The following CTNNB1 variants were observed in gnomAD, a reference collection of about 807,000 sequenced individuals.
The protein encoded by CTNNB1 is catenin beta 1, also known as catenin beta-1.
A neutral mutation model predicts 82.5 loss-of-function variants in CTNNB1; 6 were observed. The ratio of observed to expected loss-of-function variants is 0.07; its 90% CI spans 0.04 to 0.14. CTNNB1 has a LOEUF of 0.14. CTNNB1 is among the 10% of genes least tolerant of loss of function. The pLI is 1.00. For synonymous variants in CTNNB1, 312 were observed against 329.7 expected, an observed-to-expected ratio of 0.95 and a Z score of 0.58; for missense variants, 529 against 980.4, an observed-to-expected ratio of 0.54 and a Z score of 6.15.
At chr3:41,228,162 A>C (rs1355947054) in intron 7 of CTNNB1, among the ~76,000 whole-genome samples, 1 of 152,166 alleles carries the variant, frequency 6.6e-6, no homozygotes, top group Admixed American at 6.5e-5. Context: ...TGCTATTGTG[A>C]ATAATGCTGC....
intron 1 of CTNNB1, chr3:41,221,707 G>A (rs1385655041): frequency 1.3e-5 from 2 of 152,130 alleles, no homozygotes; most frequent in African/African-American, 2.4e-5. Context: ...AGCATATGTA[G>A]TCCATCTTGA....
intron 1 of CTNNB1, among the ~76,000 whole-genome samples, chr3:41,210,269 A>G (rs889609484): frequency 1.3e-5 from 2 of 152,112 alleles, no homozygotes; most frequent in African/African-American, 2.4e-5. Context: ...CCTGGCTAAC[A>G]TGGTGAAACC....
intron 1 of CTNNB1, among the ~76,000 whole-genome samples, chr3:41,211,690 A>C (rs188569535): frequency 9.2e-5 from 14 of 152,270 alleles, no homozygotes; most frequent in Admixed American, 2.0e-4. Flanking sequence ...CATTGCTACA[A>C]AGGACATGAT....
intron 8 of CTNNB1, 40 bp downstream of exon 8, chr3:41,233,484 A>G: frequency 6.2e-7 from 1 of 1,613,500 alleles, no homozygotes; most frequent in Non-Finnish European, 8.5e-7. Flanking sequence ...AATAGAGTCA[A>G]GATGAGTATG....
chr3:41,237,696 CCTTTTT>C (rs1258941446), intron 13 of CTNNB1: 6 of 210,846 alleles, frequency 2.8e-5, no homozygotes, highest in Non-Finnish European at 5.3e-5. Context: ...AGGCATTTTG[CCTTTTT>C]TTTTTTTTTT....
intron 13 of CTNNB1, chr3:41,237,300 G>A (rs1272932144): frequency 6.2e-6 from 1 of 160,766 alleles, no homozygotes; most frequent in African/African-American, 2.4e-5. Flanking sequence ...TTTAAGATCA[G>A]CCTGGGCAAC....
chr3:41,229,235 A>T (rs1044100558), intron 7 of CTNNB1, among the ~76,000 whole-genome samples: 1 of 151,952 alleles, frequency 6.6e-6, no homozygotes, highest in Non-Finnish European at 1.5e-5. Flanking sequence ...TTTTTTAATT[A>T]TGTGAAGAAT....
At chr3:41,205,851 T>A (rs749625613) in intron 1 of CTNNB1, among the ~76,000 whole-genome samples, 17 of 152,184 alleles carry the variant, frequency 1.1e-4, no homozygotes, top group Non-Finnish European at 1.9e-4. Flanking sequence ...AGTGAACCAT[T>A]CATGAAACAT....
chr3:41,236,883 C>A (rs867865421), intron 13 of CTNNB1, 174 bp downstream of exon 13: 1 of 738,164 alleles, frequency 1.4e-6, no homozygotes. Context: ...ATAATACAAG[C>A]TTTAAAGAGT....
At position 41,236,378 on chromosome 3, in the gene CTNNB1, A is replaced by G. The variant is rs763747166; in HGVS notation, c.1833A>G (p.Gln611=). The G allele has an allele frequency of 7.4e-6, 12 of 1,614,014 alleles. No individual in the cohort carries two copies. The African/African-American group carries it at 1.5e-4, about 20-fold the overall frequency. The change falls in exon 12 of 15, where the codon CAA becomes CAG. Residue 611 remains glutamine (Q), a synonymous_variant. Coordinates refer to ENST00000349496, the MANE Select transcript of CTNNB1 (RefSeq NM_001904.4). ...TTTATTCTCCCATTGAAAACATCCAAAGAGTAGCTGCAGGGGTCCTCTGTG... is the reference window on the plus strand; with the variant it reads ...TTTATTCTCCCATTGAAAACATCCAGAGAGTAGCTGCAGGGGTCCTCTGTG... The part of the protein sequence containing the change: ...QLLYSPIENI[Q]RVAAGVLCEL...
Position 41,237,774 on chromosome 3 carries a change from TAATATAA to T in CTNNB1, c.2077-241_2077-235del, listed in dbSNP as rs2078473886. On this transcript the variant is annotated intron_variant, in intron 13 of 14. Coordinates refer to ENST00000349496, the MANE Select transcript of CTNNB1 (RefSeq NM_001904.4). ...TGCCTGGCAGCACATAATAGGTGCT[TAATATAA>T]TATTTGTTGAAAGAACAAGTCAGTG... The T allele has an allele frequency of 7.9e-6, 4 of 506,516 alleles. No individual in the cohort carries two copies. The South Asian group carries it at 8.5e-5, about 11-fold the overall frequency. 31.4% of individuals were successfully genotyped at this position (506,516 alleles called of 1,614,324 possible).
intron 1 of CTNNB1, among the ~76,000 whole-genome samples, chr3:41,210,709 TG>T (rs2077761707): frequency 1.3e-5 from 2 of 152,090 alleles, no homozygotes; most frequent in Non-Finnish European, 2.9e-5. Flanking sequence ...TACACTCTAA[TG>T]ATAAAAAGTA....
In CTNNB1 at chr3:41,233,541, G is replaced by C. The variant is rs2125638676; in HGVS notation, c.1198G>C (p.Gly400Arg). The C allele has an allele frequency of 6.2e-7, 1 of 1,614,120 alleles. No individual in the cohort carries two copies. ...TTTATCTCCATAGGAAGGGATGGAA[G>C]GTCTCCTTGGGACTCTTGTTCAGCT... is the stretch of plus-strand genomic sequence containing the variant. Reference protein sequence around the residue: ...DAATKQEGMEGLLGTLVQLLG... With the variant: ...DAATKQEGMERLLGTLVQLLG... The change falls in exon 9 of 15, where the codon GGT (glycine) becomes CGT (arginine). Residue 400 changes from glycine (G) to arginine (R), a missense_variant. By Grantham distance (125) the Gly-to-Arg change is moderately radical (BLOSUM62 -2). Coordinates refer to ENST00000349496, the MANE Select transcript of CTNNB1 (RefSeq NM_001904.4).
chr3:41,239,534 G>A lies in CTNNB1; in HGVS notation c.*192G>A. 1 of 619,690 alleles carries A rather than the reference G, an allele frequency of 1.6e-6. No homozygotes were observed. The highest frequency in any genetic ancestry group is 2.9e-6 in the Non-Finnish European group (1 of 349,280). 38.4% of individuals were successfully genotyped at this position (619,690 alleles called of 1,614,324 possible). A position where few individuals can be genotyped will look rare whatever the true frequency, so the allele number is the denominator to read the frequency against. ...TTGGAATGTTCTCAGATTTCTGGTT[G>A]TTATGTGATCATGTGTGGAAGTTAT... On this transcript the variant is annotated 3_prime_UTR_variant, in exon 15 of 15. Transcript: ENST00000349496.
chr3:41,207,508 G>C (rs990915206), intron 1 of CTNNB1, among the ~76,000 whole-genome samples: 1 of 152,080 alleles, frequency 6.6e-6, no homozygotes, highest in South Asian at 2.1e-4. Flanking sequence ...CCTTCACCTT[G>C]TTACCATCAG....
intron 7 of CTNNB1, 31 bp downstream of exon 7, chr3:41,227,383 G>A (rs1264613736): frequency 1.2e-6 from 2 of 1,610,696 alleles, no homozygotes; most frequent in Non-Finnish European, 1.7e-6. Flanking sequence ...TGAGTCTTGT[G>A]TATAGCATCT....
intron 1 of CTNNB1, among the ~76,000 whole-genome samples, chr3:41,208,165 G>C (rs2077692562): frequency 6.6e-6 from 1 of 152,104 alleles, no homozygotes; most frequent in African/African-American, 2.4e-5. Context: ...GATGTGGTCT[G>C]GTAACTGTTA....
chr3:41,219,433 T>C (rs1387625527), intron 1 of CTNNB1, among the ~76,000 whole-genome samples: 2 of 152,200 alleles, frequency 1.3e-5, no homozygotes, highest in Non-Finnish European at 2.9e-5. Flanking sequence ...TATCAATGAC[T>C]ATCAAGGGGC....
At chr3:41,237,624 C>G (rs1317226830) in intron 13 of CTNNB1, 1 of 182,580 alleles carries the variant, frequency 5.5e-6, no homozygotes, top group East Asian at 1.5e-4. Flanking sequence ...GTCTGTCCAG[C>G]TGCTCAGGCT....
Sources: allele counts gnomAD v4.1 joint callset (sites outside exome capture counted in the v4.1 genomes callset), GRCh38; gene constraint gnomAD v4.1.1; transcripts MANE v1.5; gene names NCBI Gene and HGNC (gene_info 2026-07-23, HGNC 2026-07-21).